NBEA: variants seen among roughly 807,000 people sequenced by gnomAD.
The protein encoded by NBEA is neurobeachin.
A neutral mutation model predicts 343.4 loss-of-function variants in NBEA; 44 were observed. The ratio of observed to expected loss-of-function variants is 0.13; its 90% CI spans 0.10 to 0.16. The LOEUF (loss-of-function observed/expected upper bound fraction) is 0.16. Among genes scored for constraint, NBEA ranks in the 10% least tolerant of loss-of-function variants. The probability of loss-of-function intolerance (pLI) is 1.00; values close to 1 mark genes in which losing one functional copy is unlikely to be tolerated. For missense variants in NBEA, 2,555 were observed against 3,631.3 expected (o/e 0.70, Z 7.62); for synonymous variants, 1,175 against 1,238.7 (o/e 0.95, Z 1.08).
intron 36 of NBEA, among the ~76,000 whole-genome samples, chr13:35,323,298 A>G (rs1300202929): frequency 6.6e-6 from 1 of 152,118 alleles, no homozygotes; most frequent in African/African-American, 2.4e-5. Context: ...ACAATAGCAA[A>G]GACTTGGAAC....
chr13:35,190,987 A>G lies in NBEA; in HGVS notation c.4928-4877A>G, dbSNP rs188285276. On this transcript the variant is annotated intron_variant, in intron 30 of 58. Transcript: ENST00000379939. The stretch of plus-strand genomic sequence containing the variant: ...TAGAAATTCTGGAGTTGAAAATTGT[A>G]ATAACTGAAATGAAAAATTCACTTA... Among the ~76,000 whole-genome samples, 298 of 152,292 alleles carry G rather than the reference A, an allele frequency of 2.0e-3. 2 individuals carry two copies. Among genetic ancestry groups the G allele is most frequent in the African/African-American group, 7.0e-3 (290 of 41,574 alleles).
At chr13:35,638,595 A>C (rs567687787) in intron 49 of NBEA, among the ~76,000 whole-genome samples, 4 of 152,286 alleles carry the variant, frequency 2.6e-5, no homozygotes, top group Admixed American at 2.6e-4. Context: ...TCCAGAGCCA[A>C]AGAAGGTGTC....
chr13:35,204,388 G>A (rs933776070), intron 31 of NBEA, among the ~76,000 whole-genome samples: 29 of 152,222 alleles, frequency 1.9e-4, no homozygotes, highest in Admixed American at 1.0e-3. Context: ...AGTGAAAGGC[G>A]CTTCTTATAT....
chr13:35,611,051 A>AT (rs1294462324), intron 48 of NBEA, among the ~76,000 whole-genome samples: 6 of 151,692 alleles, frequency 4.0e-5, no homozygotes, highest in Admixed American at 3.9e-4. Context: ...GGGGGAAAAA[A>AT]AAAAAAACCT....
Position 35,314,749 on chromosome 13 carries a change from A to G in NBEA, c.5903+5157A>G, listed in dbSNP as rs372939406. Among the ~76,000 whole-genome samples, 52 of 152,330 alleles carry G rather than the reference A, an allele frequency of 3.4e-4. No homozygotes were observed. The East Asian group carries it at 4.2e-3, about 12-fold the overall frequency. ...AGTTTCCCTGAAAGTTCAAAATAAT[A>G]TATATGATATTTATTACAGCTGCTA... On this transcript the variant is annotated intron_variant, in intron 36 of 58. Transcript: ENST00000379939.
chr13:35,065,633 C>T (rs2063623628), intron 8 of NBEA, among the ~76,000 whole-genome samples: 1 of 151,938 alleles, frequency 6.6e-6, no homozygotes, highest in Admixed American at 6.6e-5. Flanking sequence ...TAAATCACTC[C>T]TCATATTTCA....
chr13:34,973,213 A>C (rs924483812), intron 1 of NBEA, among the ~76,000 whole-genome samples: 1 of 151,488 alleles, frequency 6.6e-6, no homozygotes, highest in African/African-American at 2.4e-5. Flanking sequence ...TTCCTGGCCC[A>C]AACATACCTG....
chr13:34,953,950 T>G (rs1411129852), intron 1 of NBEA, among the ~76,000 whole-genome samples: 1 of 152,166 alleles, frequency 6.6e-6, no homozygotes, highest in Non-Finnish European at 1.5e-5. Context: ...TGTGCGCTCC[T>G]TATGAAAATC....
intron 34 of NBEA, among the ~76,000 whole-genome samples, chr13:35,277,414 G>A (rs569261185): frequency 7.1e-4 from 108 of 152,084 alleles, no homozygotes; most frequent in South Asian, 3.9e-3. Flanking sequence ...TTGAGGTCGG[G>A]TGTTCCAGAC....
chr13:35,287,956 T>A, intron 34 of NBEA, among the ~76,000 whole-genome samples: 1 of 152,170 alleles, frequency 6.6e-6, no homozygotes. Flanking sequence ...TAAAGCTCTA[T>A]ATAAATTTTA....
chr13:34,987,975 A>G (rs2060616942), intron 1 of NBEA, among the ~76,000 whole-genome samples: 1 of 150,748 alleles, frequency 6.6e-6, no homozygotes, highest in Non-Finnish European at 1.5e-5. Flanking sequence ...GTTATTACTG[A>G]CCTTCTGAAG....
At chr13:35,627,405 G>A (rs1167454865) in intron 48 of NBEA, among the ~76,000 whole-genome samples, 2 of 152,116 alleles carry the variant, frequency 1.3e-5, no homozygotes, top group Admixed American at 1.3e-4. Flanking sequence ...ACACCTCTAG[G>A]AAGCTTCTGA....
chr13:35,361,844 C>T (rs917632406), intron 38 of NBEA, among the ~76,000 whole-genome samples: 3 of 151,882 alleles, frequency 2.0e-5, no homozygotes, highest in Non-Finnish European at 2.9e-5. Flanking sequence ...ACAGATGCTT[C>T]GTTACTGTAG....
At chr13:35,016,103 AT>A (rs1288062870) in intron 1 of NBEA, among the ~76,000 whole-genome samples, 7 of 152,148 alleles carry the variant, frequency 4.6e-5, no homozygotes, top group Non-Finnish European at 7.4e-5. Flanking sequence ...ATTGTTTACA[AT>A]TAGGATATAA....
intron 36 of NBEA, among the ~76,000 whole-genome samples, chr13:35,329,074 C>A (rs550400524): frequency 1.3e-5 from 2 of 151,974 alleles, no homozygotes; most frequent in South Asian, 2.1e-4. Context: ...ATACAAATGG[C>A]CAATCACTGT....
intron 47 of NBEA, among the ~76,000 whole-genome samples, chr13:35,604,689 A>G (rs1212851866): frequency 1.3e-5 from 2 of 152,054 alleles, no homozygotes; most frequent in Non-Finnish European, 2.9e-5. Context: ...TTTCTCATCC[A>G]TCTGGCCTCA....
chr13:35,616,671 T>C (rs2082751871), intron 48 of NBEA, among the ~76,000 whole-genome samples: 1 of 152,214 alleles, frequency 6.6e-6, no homozygotes, highest in South Asian at 2.1e-4. Context: ...CCTCTTACTG[T>C]AAGAGAGAAT....
At chr13:35,343,054 G>A (rs764907969) in intron 36 of NBEA, among the ~76,000 whole-genome samples, 2 of 151,996 alleles carry the variant, frequency 1.3e-5, no homozygotes, top group Non-Finnish European at 1.5e-5. Context: ...AAGGTAAAAA[G>A]ATAGAAAAAT....
At chr13:35,076,807 A>G (rs985455888) in intron 10 of NBEA, among the ~76,000 whole-genome samples, 2 of 152,072 alleles carry the variant, frequency 1.3e-5, no homozygotes, top group African/African-American at 4.8e-5. Flanking sequence ...ACTATCTTCT[A>G]ACAGGAGTAT....
Sources: gnomAD v4.1 joint callset for allele counts (sites outside exome capture counted in the v4.1 genomes callset) on GRCh38, gnomAD v4.1.1 for gene constraint, MANE v1.5 for transcripts, NCBI Gene and HGNC (gene_info 2026-07-23, HGNC 2026-07-21) for gene names.